Variants in TEP1 observed in about 807,000 individuals in gnomAD.
TEP1 encodes telomerase protein component 1.
In TEP1, 241 loss-of-function variants were observed where a neutral mutation model predicts 306.3. The ratio of observed to expected loss-of-function variants is 0.79; its 90% confidence interval spans 0.71 to 0.88. The LOEUF (loss-of-function observed/expected upper bound fraction) is 0.88, where lower values mean the gene tolerates loss of function less well. Ranked by LOEUF, TEP1 falls within the 40% of genes least tolerant of loss-of-function variation. The pLI is 0.00. For missense variants in TEP1, 3,051 were observed against 3,276.1 expected (o/e 0.93, Z 1.68); for synonymous variants, 1,289 against 1,305.5 (o/e 0.99, Z 0.27).
Position 20,372,850 on chromosome 14 carries a change from C to G in TEP1, c.6959G>C (p.Gly2320Ala), listed in dbSNP as rs963114321. ...GGACCAGATCAGAGCACCAATGTGG[C>G]CTGGAGCCTGGTGTACACAACAAGT... ...AKAVATAQAP[G>A]HIGALIWSSA... The change falls in exon 49 of 55, where the codon GGC (glycine) becomes GCC (alanine). Residue 2320 changes from glycine (G) to alanine (A), a missense_variant. By Grantham distance (60) the Gly-to-Ala change is moderately conservative. Around this residue, in one of 3 missense-constraint regions of TEP1, gnomAD observed 1,540 missense variants for 1,705.9 expected, o/e 0.90. Coordinates refer to ENST00000262715, the MANE Select transcript of TEP1 (RefSeq NM_007110.5). 2.5e-6 allele frequency: 4 copies of G among 1,614,150 alleles called. No homozygotes were observed. In the African/African-American group the frequency reaches 4.0e-5, roughly 16 times the overall value.
Position 20,408,476 on chromosome 14 carries a change from A to G in TEP1, c.-24-13T>C. 3 of 1,586,338 alleles carry G rather than the reference A, an allele frequency of 1.9e-6. No homozygotes were observed. Among genetic ancestry groups the G allele is most frequent in the Non-Finnish European group, 2.6e-6 (3 of 1,169,734 alleles). ...AGCTTGTATATGCCTAGAAGGAGAG[A>G]AAGACAGGAGATGAGCACCTGGCTG... On this transcript the variant is annotated splice_polypyrimidine_tract_variant and intron_variant, in intron 1 of 54. Coordinates refer to ENST00000262715, the MANE Select transcript of TEP1 (RefSeq NM_007110.5).
In TEP1 at chr14:20,373,539, C is replaced by G. The variant is rs1884987733; in HGVS notation, c.6649G>C (p.Asp2217His). 4 of 1,614,248 alleles carry G rather than the reference C, an allele frequency of 2.5e-6. No homozygotes were observed. In the East Asian group the frequency reaches 8.9e-5, roughly 36 times the overall value. Residue 2217 changes from aspartate (D) to histidine (H), a missense_variant, in exon 46 of 55, where the codon GAT (aspartate) becomes CAT (histidine). This residue lies in a region of TEP1 where 1,540 missense variants were observed against 1,705.9 expected (regional missense o/e 0.90). Coordinates refer to ENST00000262715, the MANE Select transcript of TEP1 (RefSeq NM_007110.5). ...GGATGCCATAACCGTGTGGCCCCATCTAGCCCGACGGTTACCACCAGAAGC... is the reference window on the plus strand; with the variant it reads ...GGATGCCATAACCGTGTGGCCCCATGTAGCCCGACGGTTACCACCAGAAGC... ...SELLVVTVGL[D>H]GATRLWHPLL...
At position 20,379,158 on chromosome 14, in the gene TEP1, G is replaced by T. The variant is rs569931978; in HGVS notation, c.5128-53C>A. ...TCAGGCCATCCCCTTGACCCTCCAAGTCCCACCACTCCAGGCCCCACCCAA... is the reference window on the plus strand; with the variant it reads ...TCAGGCCATCCCCTTGACCCTCCAATTCCCACCACTCCAGGCCCCACCCAA... On this transcript the variant is annotated intron_variant, in intron 35 of 54. Coordinates refer to ENST00000262715, the MANE Select transcript of TEP1 (RefSeq NM_007110.5). 3.4e-4 allele frequency: 537 copies of T among 1,600,920 alleles called. 1 individual carries two copies. The African/African-American group carries it at 6.5e-3, about 19-fold the overall frequency.
chr14:20,401,105 G>C lies in TEP1; in HGVS notation c.1428C>G (p.Arg476=), dbSNP rs1269441218. Residue 476 remains arginine, a synonymous_variant, in exon 9 of 55, where the codon CGC becomes CGG. Coordinates refer to ENST00000262715, the MANE Select transcript of TEP1 (RefSeq NM_007110.5). ...TGCTAGAATCCCAAGGCCCAGGAAG[G>C]CGACTTCGAGAAAAGAGCTGTAGGT... The part of the protein sequence containing the change: ...PSNLQLFSRS[R]LPGPWDSSRA... The C allele has an allele frequency of 1.2e-6, 2 of 1,614,004 alleles. No individual in the cohort carries two copies. Among genetic ancestry groups the C allele is most frequent in the African/African-American group, 2.7e-5 (2 of 74,880 alleles).
At chr14:20,376,524 C>T (rs1885188456) in intron 41 of TEP1, among the ~76,000 whole-genome samples, 1 of 152,240 alleles carries the variant, frequency 6.6e-6, no homozygotes. Flanking sequence ...CTTGTCTCTG[C>T]TTCTCTAACT....
At chr14:20,373,227 T>G (rs562268085) in intron 47 of TEP1, 43 bp downstream of exon 47, 6 of 1,612,330 alleles carry the variant, frequency 3.7e-6, no homozygotes, top group Non-Finnish European at 5.1e-6. Context: ...TGACCTTTTT[T>G]TGTGCCAGTA....
chr14:20,395,857 A>C lies in TEP1; in HGVS notation c.1750+2T>G. 3.1e-6 allele frequency: 5 copies of C among 1,613,282 alleles called. No individual in the cohort carries two copies. The highest frequency in any genetic ancestry group is 4.2e-6 in the Non-Finnish European group (5 of 1,179,432). ...GAGGAGTTGGAAGAAAGGGGAGAAT[A>C]CCTTGATTTCTGAGTTGAGCCTCGA... On this transcript the variant is annotated splice_donor_variant, in intron 11 of 54. Coordinates refer to ENST00000262715, the MANE Select transcript of TEP1 (RefSeq NM_007110.5). LOFTEE classifies it high-confidence loss of function.
chr14:20,403,789 C>G lies in TEP1; in HGVS notation c.1128G>C (p.Gln376His), dbSNP rs1878952330. 6.2e-7 allele frequency: 1 copy of G among 1,613,988 alleles called. No homozygotes were observed. The highest frequency in any genetic ancestry group is 8.5e-7 in the Non-Finnish European group (1 of 1,180,026). Residue 376 changes from glutamine to histidine, a missense_variant, in exon 6 of 55, where the codon CAG becomes CAC. Gln to His is a conservative substitution (Grantham distance 24). Coordinates refer to ENST00000262715, the MANE Select transcript of TEP1 (RefSeq NM_007110.5). ...TDKFAQFDEY[Q>H]LAKYNPRKHR... ...GCTTCCGAGGGTTGTACTTAGCCAG[C>G]TGGTACTCGTCAAACTGGGCAAATT...
At position 20,411,932 on chromosome 14, in the gene TEP1, G is replaced by A. The variant is rs550348416; in HGVS notation, c.-25+1473C>T. Among the ~76,000 whole-genome samples the A allele has an allele frequency of 4.6e-5, 7 of 151,752 alleles. No individual in the cohort carries two copies. The South Asian group carries it at 1.5e-3, about 32-fold the overall frequency. On this transcript the variant is annotated intron_variant, in intron 1 of 54. Transcript: ENST00000262715. The stretch of plus-strand genomic sequence containing the variant: ...GTTCAAGACCAGCCTGGGCAACATA[G>A]TGAGACCTCTATTTAAAAAAAAAAA...
intron 1 of TEP1, among the ~76,000 whole-genome samples, chr14:20,411,906 A>G (rs146790532): frequency 0.018 from 2,724 of 152,124 alleles, 42 homozygotes; most frequent in African/African-American, 0.026. Flanking sequence ...TGAGGTCAGG[A>G]GTTCAAGACC....
In TEP1 at chr14:20,401,007, G is replaced by A. The variant is rs780628550; in HGVS notation, c.1526C>T (p.Ala509Val). The change falls in exon 9 of 55, where the codon GCG becomes GTG. Residue 509 changes from alanine to valine, a missense_variant. Ala to Val is a moderately conservative substitution (Grantham distance 64). Around this residue, in one of 3 missense-constraint regions of TEP1, gnomAD observed 1,507 missense variants for 1,550.5 expected, o/e 0.97. Coordinates refer to ENST00000262715, the MANE Select transcript of TEP1 (RefSeq NM_007110.5). ...ACCAATGAGTTCCTCCCAGACCGAC[G>A]CTTTGTTCCCCCGTAGGCTCAGCTC... ...ERELSLRGNK[A>V]SVWEELIENG... 40 of 1,614,104 alleles carry A rather than the reference G, an allele frequency of 2.5e-5. 1 individual carries two copies. Among genetic ancestry groups the A allele is most frequent in the African/African-American group, 6.7e-5 (5 of 74,946 alleles).
At chr14:20,401,659 A>G (rs1878766522) in intron 7 of TEP1, 78 bp from the exon 8 acceptor site, 1 of 1,575,076 alleles carries the variant, frequency 6.3e-7, no homozygotes, top group African/African-American at 1.4e-5. Context: ...AGCAGATTGT[A>G]AGACCATCCG....
intron 34 of TEP1, 60 bp downstream of exon 34, chr14:20,380,175 C>T: frequency 6.3e-7 from 1 of 1,587,456 alleles, no homozygotes; most frequent in Non-Finnish European, 8.6e-7. Context: ...TCCTCAGTTT[C>T]AGAAAGAGCT....
chr14:20,374,360 T>C (rs894793267), intron 44 of TEP1, 69 bp downstream of exon 44: 5 of 1,086,094 alleles, frequency 4.6e-6, no homozygotes, highest in African/African-American at 1.6e-5. Context: ...AGATACTCCA[T>C]GCACCGTCTC....
In TEP1 at chr14:20,384,111, T is replaced by C. The variant is rs760888132; in HGVS notation, c.3461A>G (p.Gln1154Arg). The change falls in exon 24 of 55, where the codon CAA becomes CGA. Residue 1154 changes from glutamine (Q) to arginine (R), a missense_variant. This residue lies in a region of TEP1 where 1,507 missense variants were observed against 1,550.5 expected (regional missense o/e 0.97). Transcript: ENST00000262715. ...CCTTCCGTGGGGCAGCATCAGCCGTTGCACTGTGTCCTGAAGAAGGCGTGG... is the reference window on the plus strand; with the variant it reads ...CCTTCCGTGGGGCAGCATCAGCCGTCGCACTGTGTCCTGAAGAAGGCGTGG... Reference protein sequence around the residue: ...ARPRLLQDTVQRLMLPHGRLS... With the variant: ...ARPRLLQDTVRRLMLPHGRLS... The C allele has an allele frequency of 1.2e-6, 2 of 1,613,922 alleles. No homozygotes were observed. Among genetic ancestry groups the C allele is most frequent in the Non-Finnish European group, 1.7e-6 (2 of 1,180,024 alleles).
intron 27 of TEP1, 50 bp downstream of exon 27, chr14:20,383,124 A>G: frequency 6.5e-7 from 1 of 1,529,698 alleles, no homozygotes; most frequent in Non-Finnish European, 8.8e-7. Flanking sequence ...AGGTCCTCAT[A>G]GCTCCCAGAT....
intron 13 of TEP1, 148 bp from the exon 14 acceptor site, chr14:20,391,244 G>A: frequency 1.2e-6 from 1 of 827,452 alleles, no homozygotes; most frequent in Non-Finnish European, 1.8e-6. Context: ...AGCTTCAGCA[G>A]CCCTCAGGAG....
chr14:20,401,577 T>G lies in TEP1; in HGVS notation c.1271A>C (p.Glu424Ala). Residue 424 changes from glutamate to alanine, a missense_variant, in exon 8 of 55, where the codon GAG becomes GCG. By Grantham distance (107) the Glu-to-Ala change is moderately radical. Transcript: ENST00000262715. ...CTCTGACACTGTATCACCGGCCTTC[T>G]CAAACTGTGGAAACATCCCCAAGTC... Reference protein sequence around the residue: ...GFLREEQRKFEKAGDTVSEKK... With the variant: ...GFLREEQRKFAKAGDTVSEKK... 1 of 1,614,060 alleles carries G rather than the reference T, an allele frequency of 6.2e-7. No homozygotes were observed. Among genetic ancestry groups the G allele is most frequent in the South Asian group, 1.1e-5 (1 of 91,070 alleles).
At position 20,377,436 on chromosome 14, in the gene TEP1, G is replaced by A; in HGVS notation, c.5932C>T (p.Leu1978=). 6.2e-7 allele frequency: 1 copy of A among 1,614,160 alleles called. No individual in the cohort carries two copies. The highest frequency in any genetic ancestry group is 8.5e-7 in the Non-Finnish European group (1 of 1,180,040). Residue 1978 remains leucine (L), a synonymous_variant, in exon 41 of 55, where the codon CTA becomes TTA. Coordinates refer to ENST00000262715, the MANE Select transcript of TEP1 (RefSeq NM_007110.5). ...LDVAVSALAW[L]SPKVLVSGAE... ...CCACTCACCAATACCTTGGGGCTTA[G>A]CCAGGCCAGGGCGGACACTGCCACA...
Sources: allele counts gnomAD v4.1 joint callset (sites outside exome capture counted in the v4.1 genomes callset), GRCh38; gene constraint gnomAD v4.1.1; regional missense constraint gnomAD v4.1.1; transcripts MANE v1.5; gene names NCBI Gene and HGNC (gene_info 2026-07-23, HGNC 2026-07-21).